The following SV2C variants were observed in gnomAD, a reference collection of about 807,000 sequenced individuals.
SV2C encodes solute carrier family 22 member B3.
A neutral mutation model predicts 79.7 loss-of-function variants in SV2C; 49 were observed. The ratio of observed to expected loss-of-function variants is 0.61; its 90% CI spans 0.49 to 0.78. The LOEUF (loss-of-function observed/expected upper bound fraction) is 0.78, where lower values mean the gene tolerates loss of function less well. Ranked by LOEUF, SV2C falls within the 30% of genes least tolerant of loss-of-function variation. SV2C has a pLI of 0.00. For missense variants in SV2C, 833 were observed against 912.9 expected (o/e 0.91, Z 1.13); for synonymous variants, 334 against 333.2 (o/e 1.00, Z -0.03).
the SV2C span, among the ~76,000 whole-genome samples, chr5:75,954,548 A>G: frequency 6.6e-6 from 1 of 150,978 alleles, no homozygotes; most frequent in Non-Finnish European, 1.5e-5. Flanking sequence ...GGCCAGGACG[A>G]TCAGGCAGGA....
chr5:75,890,162 C>A, the SV2C span, among the ~76,000 whole-genome samples: 2 of 152,060 alleles, frequency 1.3e-5, no homozygotes, highest in Non-Finnish European at 2.9e-5. Context: ...AAATTACCCA[C>A]AATGTAGACT....
chr5:75,881,310 C>A, the SV2C span, among the ~76,000 whole-genome samples: 1 of 152,174 alleles, frequency 6.6e-6, no homozygotes, highest in Non-Finnish European at 1.5e-5. Context: ...ATAGTAGCTA[C>A]ATCCTTGGTT....
At chr5:75,854,811 T>A in the SV2C span, among the ~76,000 whole-genome samples, 1 of 152,196 alleles carries the variant, frequency 6.6e-6, no homozygotes, top group Admixed American at 6.5e-5. Flanking sequence ...GTTTTTCCTA[T>A]GCTCTCTTCT....
intron 4 of SV2C, among the ~76,000 whole-genome samples, chr5:76,246,642 C>T (rs1351152170): frequency 6.6e-6 from 1 of 152,148 alleles, no homozygotes; most frequent in East Asian, 1.9e-4. Context: ...CACTCACACT[C>T]ACACTCACAC....
chr5:76,222,604 T>C (rs6870971), intron 4 of SV2C, among the ~76,000 whole-genome samples: 104,819 of 152,120 alleles, frequency 0.69, 36,909 homozygotes, highest in African/African-American at 0.82. Flanking sequence ...ATTGCACTAA[T>C]GTCAGTTCCA....
chr5:76,059,989 T>C, the SV2C span, among the ~76,000 whole-genome samples: 1 of 152,112 alleles, frequency 6.6e-6, no homozygotes, highest in South Asian at 2.1e-4. Flanking sequence ...ACTAGGTGCA[T>C]TGTCAATGAG....
At chr5:75,860,974 A>G in the SV2C span, among the ~76,000 whole-genome samples, 2 of 152,198 alleles carry the variant, frequency 1.3e-5, no homozygotes, top group African/African-American at 4.8e-5. Flanking sequence ...ACTTCAAACT[A>G]TAAGAATCTT....
chr5:76,143,141 G>A (rs868664319), intron 2 of SV2C, among the ~76,000 whole-genome samples: 5 of 152,078 alleles, frequency 3.3e-5, no homozygotes, highest in Non-Finnish European at 5.9e-5. Flanking sequence ...TGATCCACCT[G>A]CCTTGGCCTC....
the SV2C span, among the ~76,000 whole-genome samples, chr5:76,041,673 C>T: frequency 6.6e-6 from 1 of 152,120 alleles, no homozygotes; most frequent in African/African-American, 2.4e-5. Flanking sequence ...TAGGAAAGCC[C>T]TCTAGCCTTG....
At chr5:76,048,977 A>AAGAAAGAAAGAAAGAAAGAT in the SV2C span, among the ~76,000 whole-genome samples, 1 of 81,098 alleles carries the variant, frequency 1.2e-5, no homozygotes. Context: ...GAAAGAAAGA[A>AAGAAAGAAAGAAAGAAAGAT]AGAAAGAAAG....
intron 1 of SV2C, among the ~76,000 whole-genome samples, chr5:76,100,570 A>T (rs1747708065): frequency 6.6e-6 from 1 of 152,220 alleles, no homozygotes; most frequent in South Asian, 2.1e-4. Context: ...ATCAATCAAC[A>T]AATTGACCAT....
intron 4 of SV2C, among the ~76,000 whole-genome samples, chr5:76,283,506 T>G (rs1047731465): frequency 1.3e-5 from 2 of 152,190 alleles, no homozygotes; most frequent in African/African-American, 4.8e-5. Context: ...GATTTAGAGC[T>G]TTTAAAAAGA....
the SV2C span, among the ~76,000 whole-genome samples, chr5:75,971,792 C>T: frequency 6.6e-6 from 1 of 152,102 alleles, no homozygotes; most frequent in Non-Finnish European, 1.5e-5. Flanking sequence ...ATCAAGCTAC[C>T]AACGACTTTC....
the SV2C span, chr5:75,910,620 A>T: frequency 9.5e-5 from 78 of 820,266 alleles, no homozygotes; most frequent in Non-Finnish European, 1.4e-4. Flanking sequence ...CTTGTGGATT[A>T]TGATGGTGCC....
chr5:76,285,119 C>G (rs764672392), intron 4 of SV2C, 43 bp from the exon 5 acceptor site: 4 of 1,608,114 alleles, frequency 2.5e-6, no homozygotes, highest in Non-Finnish European at 2.5e-6. Flanking sequence ...AGGAGGCTGT[C>G]TGGGAGGAGC....
At chr5:75,969,240 A>G in the SV2C span, among the ~76,000 whole-genome samples, 1 of 152,228 alleles carries the variant, frequency 6.6e-6, no homozygotes. Flanking sequence ...TGTAAAGACC[A>G]TCAAGCCTAG....
intron 4 of SV2C, among the ~76,000 whole-genome samples, chr5:76,227,970 C>A (rs1372120602): frequency 6.6e-6 from 1 of 152,120 alleles, no homozygotes; most frequent in African/African-American, 2.4e-5. Context: ...CTCCCACCAC[C>A]CGAGGTTTTA....
chr5:76,251,390 A>G (rs1746114030), intron 4 of SV2C, among the ~76,000 whole-genome samples: 1 of 152,064 alleles, frequency 6.6e-6, no homozygotes, highest in East Asian at 1.9e-4. Context: ...AGAAAAAATA[A>G]TAATAATAAT....
At chr5:76,061,032 T>C in the SV2C span, among the ~76,000 whole-genome samples, 1 of 151,966 alleles carries the variant, frequency 6.6e-6, no homozygotes, top group African/African-American at 2.4e-5. Flanking sequence ...ACAACATTTA[T>C]TGATTAAGTT....
Sources: gnomAD v4.1 joint callset for allele counts (sites outside exome capture counted in the v4.1 genomes callset) on GRCh38, gnomAD v4.1.1 for gene constraint, MANE v1.5 for transcripts, NCBI Gene and HGNC (gene_info 2026-07-23, HGNC 2026-07-21) for gene names.